The following ARHGAP22 variants were observed in gnomAD, a reference collection of about 807,000 sequenced individuals.
ARHGAP22 encodes rho GTPase-activating protein 22.
In ARHGAP22, 48 loss-of-function variants were observed where a neutral mutation model predicts 59.1. That is an observed-to-expected ratio of 0.81 (90% confidence interval 0.64 to 1.03). The LOEUF (loss-of-function observed/expected upper bound fraction) is 1.03. ARHGAP22 is among the 50% of genes least tolerant of loss of function. ARHGAP22 has a pLI of 0.00. For synonymous variants in ARHGAP22, 445 were observed against 416.4 expected (o/e 1.07, Z -0.84); for missense variants, 1,015 against 958.7 (o/e 1.06, Z -0.78).
At chr10:48,449,626 C>G (rs373999571) in intron 9 of ARHGAP22, among the ~76,000 whole-genome samples, 1 of 152,236 alleles carries the variant, frequency 6.6e-6, no homozygotes, top group Non-Finnish European at 1.5e-5. Flanking sequence ...GGGAAACGCC[C>G]TGCGCTGGAG....
chr10:48,544,174 G>C (rs998705668), intron 3 of ARHGAP22, among the ~76,000 whole-genome samples: 1 of 151,962 alleles, frequency 6.6e-6, no homozygotes, highest in Non-Finnish European at 1.5e-5. Context: ...CTGTCCTGCC[G>C]TCTGCATATC....
At chr10:48,472,287 G>T in intron 4 of ARHGAP22, among the ~76,000 whole-genome samples, 1 of 151,832 alleles carries the variant, frequency 6.6e-6, no homozygotes, top group East Asian at 1.9e-4. Flanking sequence ...ACTTTGGGAG[G>T]CCGAGGCAGG....
At chr10:48,611,527 CTTAGGTAAAGAGTCAGATT>C (rs1228102600) in intron 1 of ARHGAP22, among the ~76,000 whole-genome samples, 12 of 151,980 alleles carry the variant, frequency 7.9e-5, no homozygotes, top group African/African-American at 2.2e-4. Context: ...TTCCCTGAAA[CTTAGGTAAAGAGTCAGATT>C]TTAGGTAAAG....
At chr10:48,599,388 C>T (rs1460713448) in intron 1 of ARHGAP22, among the ~76,000 whole-genome samples, 1 of 152,216 alleles carries the variant, frequency 6.6e-6, no homozygotes, top group Non-Finnish European at 1.5e-5. Flanking sequence ...GACAGCATGT[C>T]CCATGAGCTC....
chr10:48,445,741 G>A (rs1280817049), downstream of ARHGAP22: 10 of 154,746 alleles, frequency 6.5e-5, no homozygotes, highest in Admixed American at 5.1e-4. Context: ...CAGAGCTAGG[G>A]CCATGGTGGA....
At chr10:48,433,460 C>T in the ARHGAP22 span, among the ~76,000 whole-genome samples, 1 of 152,138 alleles carries the variant, frequency 6.6e-6, no homozygotes, top group South Asian at 2.1e-4. Context: ...ATTGATTGAA[C>T]TAAATAGAAT....
chr10:48,494,072 T>C (rs918522786), intron 3 of ARHGAP22, among the ~76,000 whole-genome samples: 2 of 152,142 alleles, frequency 1.3e-5, no homozygotes, highest in South Asian at 4.1e-4. Flanking sequence ...AGGACTGTGG[T>C]GAAGATGGAA....
At chr10:48,507,339 G>A (rs1244025280) in intron 3 of ARHGAP22, among the ~76,000 whole-genome samples, 1 of 152,224 alleles carries the variant, frequency 6.6e-6, no homozygotes, top group Admixed American at 6.5e-5. Flanking sequence ...GGGGCTTGCT[G>A]ACTCTTACTT....
chr10:48,573,953 T>C (rs1207321400), intron 2 of ARHGAP22, among the ~76,000 whole-genome samples: 1 of 152,226 alleles, frequency 6.6e-6, no homozygotes, highest in Non-Finnish European at 1.5e-5. Flanking sequence ...TGGAAATTGA[T>C]TGTGCCTGGC....
At position 48,604,360 on chromosome 10, in the gene ARHGAP22, C is replaced by T. The variant is rs113097813; in HGVS notation, c.34+403G>A. Among the ~76,000 whole-genome samples the T allele has an allele frequency of 5.5e-3, 837 of 152,356 alleles. 5 individuals carry two copies. Among genetic ancestry groups the T allele is most frequent in the Admixed American group, 0.012 (180 of 15,302 alleles). On this transcript the variant is annotated intron_variant, in intron 1 of 9. Transcript: ENST00000249601. ...CTTGCACCCAGCTGTCTCTAGAAGC[C>T]AGGGCATGGCCTTCCCTGGTAAGGG...
intron 2 of ARHGAP22, among the ~76,000 whole-genome samples, chr10:48,579,437 C>A (rs2058971899): frequency 6.6e-6 from 1 of 152,206 alleles, no homozygotes; most frequent in South Asian, 2.1e-4. Flanking sequence ...TGGAAACCCT[C>A]AGGGACAGGT....
intron 3 of ARHGAP22, among the ~76,000 whole-genome samples, chr10:48,509,317 A>T (rs1763182010): frequency 6.6e-6 from 1 of 152,198 alleles, no homozygotes; most frequent in South Asian, 2.1e-4. Flanking sequence ...CAGGACAGGG[A>T]GGACACCAAC....
At chr10:48,640,837 T>A (rs986840718) in intron 1 of ARHGAP22, among the ~76,000 whole-genome samples, 4 of 152,200 alleles carry the variant, frequency 2.6e-5, no homozygotes, top group African/African-American at 9.6e-5. Context: ...CCCATAAATT[T>A]ATTTTTCCTC....
chr10:48,653,866 G>A (rs151139783), upstream of ARHGAP22, among the ~76,000 whole-genome samples: 229 of 152,310 alleles, frequency 1.5e-3, 2 homozygotes, highest in African/African-American at 5.4e-3. Flanking sequence ...AAAGGTGTAG[G>A]ATGCCCAGTT....
intron 3 of ARHGAP22, among the ~76,000 whole-genome samples, chr10:48,480,908 G>A (rs574150753): frequency 2.9e-4 from 44 of 152,354 alleles, no homozygotes; most frequent in African/African-American, 1.1e-3. Flanking sequence ...CCAAGAACTG[G>A]GGAAACCAAG....
In ARHGAP22 at chr10:48,523,958, C is replaced by A. The variant is rs1589933616; in HGVS notation, c.322+31505G>T. 9.9e-6 allele frequency: 11 copies of A among 1,114,326 alleles called. No homozygotes were observed. In the South Asian group the frequency reaches 1.5e-4, roughly 16 times the overall value. 69.0% of individuals were successfully genotyped at this position (1,114,326 alleles called of 1,614,324 possible). A position where few individuals can be genotyped will look rare whatever the true frequency, so the allele number is the denominator to read the frequency against. On this transcript the variant is annotated intron_variant, in intron 3 of 9. Transcript: ENST00000249601. ...TTTCCAAAGCTGAGGCAGGTGCGGG[C>A]GGCCCTGGACACCCCGTGGCGAGTC...
intron 1 of ARHGAP22, among the ~76,000 whole-genome samples, chr10:48,627,730 G>T (rs1175017325): frequency 6.6e-6 from 1 of 152,216 alleles, no homozygotes; most frequent in African/African-American, 2.4e-5. Flanking sequence ...CTTTATGAAA[G>T]ATCCCAACTG....
upstream of ARHGAP22, among the ~76,000 whole-genome samples, chr10:48,654,770 A>ATTAC (rs757989200): frequency 5.5e-4 from 76 of 138,398 alleles, no homozygotes; most frequent in African/African-American, 2.0e-3. Flanking sequence ...GGACATGCTG[A>ATTAC]TTACTTTCTT....
chr10:48,627,590 G>A (rs1190474035), intron 1 of ARHGAP22, among the ~76,000 whole-genome samples: 2 of 152,230 alleles, frequency 1.3e-5, no homozygotes, highest in African/African-American at 2.4e-5. Flanking sequence ...GAGAGCCGGC[G>A]CTCCACACTG....
Sources: gnomAD v4.1 joint callset for allele counts (sites outside exome capture counted in the v4.1 genomes callset) on GRCh38, gnomAD v4.1.1 for gene constraint, MANE v1.5 for transcripts, NCBI Gene and HGNC (gene_info 2026-07-23, HGNC 2026-07-21) for gene names.